Variants in PLPPR1 observed in about 807,000 individuals in gnomAD.
PLPPR1 encodes phospholipid phosphatase related 1.
In PLPPR1, 10 loss-of-function variants were observed where a neutral mutation model predicts 33.1. The observed-to-expected ratio is 0.30, with a 90% CI of 0.19 to 0.51. The LOEUF (loss-of-function observed/expected upper bound fraction) is 0.51, where lower values mean the gene tolerates loss of function less well. PLPPR1 is among the 20% of genes least tolerant of loss of function. PLPPR1 has a pLI of 0.97. For missense variants in PLPPR1, 304 were observed against 408.1 expected, an observed-to-expected ratio of 0.74 and a Z score of 2.20; for synonymous variants, 151 against 151.0, an observed-to-expected ratio of 1.00 and a Z score of 0.00.
chr9:101,264,872 C>T (rs907764050), intron 2 of PLPPR1, among the ~76,000 whole-genome samples: 3 of 152,178 alleles, frequency 2.0e-5, no homozygotes, highest in Non-Finnish European at 4.4e-5. Context: ...GATCACCTAG[C>T]ACTAGGATGC....
chr9:101,292,028 A>G (rs570151865), intron 4 of PLPPR1, among the ~76,000 whole-genome samples: 5 of 152,320 alleles, frequency 3.3e-5, no homozygotes, highest in Admixed American at 2.0e-4. Context: ...AAGGCAAAGA[A>G]GTTGAAAACT....
intron 1 of PLPPR1, among the ~76,000 whole-genome samples, chr9:101,167,411 A>C (rs1161457559): frequency 6.6e-6 from 1 of 151,102 alleles, no homozygotes. Flanking sequence ...TGTCTAATAT[A>C]CTGGAACCAC....
At chr9:101,293,033 T>C (rs1389374044) in intron 4 of PLPPR1, among the ~76,000 whole-genome samples, 1 of 152,112 alleles carries the variant, frequency 6.6e-6, no homozygotes, top group Admixed American at 6.5e-5. Flanking sequence ...TCAAGACCCA[T>C]CAGTGTGCTG....
chr9:101,285,571 A>G (rs1337611525), intron 3 of PLPPR1, among the ~76,000 whole-genome samples: 25 of 152,244 alleles, frequency 1.6e-4, no homozygotes, highest in Admixed American at 1.6e-3. Flanking sequence ...AAGCAAAACA[A>G]CATGCTATAT....
intron 1 of PLPPR1, among the ~76,000 whole-genome samples, chr9:101,178,780 A>G (rs1427166989): frequency 6.6e-6 from 1 of 152,134 alleles, no homozygotes; most frequent in Non-Finnish European, 1.5e-5. Flanking sequence ...AATATACAGT[A>G]CTGTTTCTCC....
At chr9:101,155,126 T>C (rs184107677) in intron 1 of PLPPR1, among the ~76,000 whole-genome samples, 3 of 148,526 alleles carry the variant, frequency 2.0e-5, no homozygotes, top group Admixed American at 1.3e-4. Flanking sequence ...AAAAAGAAAA[T>C]GAGATTGTCT....
chr9:101,278,463 T>C (rs1041691565), intron 3 of PLPPR1, among the ~76,000 whole-genome samples: 1 of 152,146 alleles, frequency 6.6e-6, no homozygotes, highest in Non-Finnish European at 1.5e-5. Flanking sequence ...AGTAACTGGT[T>C]GGAACACAAT....
At chr9:101,140,421 G>A (rs373096175) in intron 1 of PLPPR1, among the ~76,000 whole-genome samples, 11 of 152,036 alleles carry the variant, frequency 7.2e-5, no homozygotes, top group East Asian at 1.9e-4. Context: ...CCTTGAAATC[G>A]TTAGGGTGGA....
chr9:101,223,659 A>C (rs534950908), intron 2 of PLPPR1, among the ~76,000 whole-genome samples: 1 of 152,158 alleles, frequency 6.6e-6, no homozygotes, highest in South Asian at 2.1e-4. Context: ...TTTTATAAGC[A>C]TCTGGCATTT....
intron 5 of PLPPR1, among the ~76,000 whole-genome samples, chr9:101,312,501 G>T (rs1828977060): frequency 6.6e-6 from 1 of 152,154 alleles, no homozygotes; most frequent in African/African-American, 2.4e-5. Flanking sequence ...AAAACTGCAT[G>T]TTCTGAATCT....
At chr9:101,106,179 G>C (rs1164280400) in intron 1 of PLPPR1, among the ~76,000 whole-genome samples, 1 of 149,802 alleles carries the variant, frequency 6.7e-6, no homozygotes, top group Non-Finnish European at 1.5e-5. Context: ...GTGTGAATTT[G>C]ATCCTGTCAT....
chr9:101,184,719 G>T (rs1163053674), intron 1 of PLPPR1, among the ~76,000 whole-genome samples: 3 of 147,156 alleles, frequency 2.0e-5, no homozygotes, highest in African/African-American at 7.6e-5. Context: ...TATATTTTCA[G>T]TTCAAGGCAG....
chr9:101,218,983 A>G (rs1457105547), intron 2 of PLPPR1, among the ~76,000 whole-genome samples: 1 of 152,230 alleles, frequency 6.6e-6, no homozygotes, highest in East Asian at 1.9e-4. Context: ...ATGCACACTC[A>G]CACACATCTA....
intron 3 of PLPPR1, among the ~76,000 whole-genome samples, chr9:101,273,958 C>T (rs551729179): frequency 6.6e-6 from 1 of 152,302 alleles, no homozygotes; most frequent in South Asian, 2.1e-4. Context: ...GATAGGTCTT[C>T]TTTATTTTAA....
rs780119110 is a variant in PLPPR1, at chr9:101,129,953, C to T, written c.-45-55497C>T. On this transcript the variant is annotated intron_variant, in intron 1 of 7. Coordinates refer to ENST00000374874, the MANE Select transcript of PLPPR1 (RefSeq NM_207299.2). ...ATATATATTAATAGTATTCCATTTACGTAAAATTCTAGGAAGTGCAAACTA... is the reference window on the plus strand; with the variant it reads ...ATATATATTAATAGTATTCCATTTATGTAAAATTCTAGGAAGTGCAAACTA... Among the ~76,000 whole-genome samples, 18 of 152,034 alleles carry T rather than the reference C, an allele frequency of 1.2e-4. No individual in the cohort carries two copies. The South Asian group carries it at 1.5e-3, about 12-fold the overall frequency.
intron 2 of PLPPR1, among the ~76,000 whole-genome samples, chr9:101,215,617 C>T (rs1430186659): frequency 1.3e-5 from 2 of 152,138 alleles, no homozygotes; most frequent in African/African-American, 2.4e-5. Context: ...TTTAATCATC[C>T]TCACTTTATC....
intron 2 of PLPPR1, among the ~76,000 whole-genome samples, chr9:101,220,032 C>T (rs1222858909): frequency 6.6e-6 from 1 of 152,148 alleles, no homozygotes; most frequent in Non-Finnish European, 1.5e-5. Flanking sequence ...TAGATGTGTT[C>T]TCTAGATCTG....
chr9:101,082,916 A>G (rs921907798), intron 1 of PLPPR1, among the ~76,000 whole-genome samples: 5 of 152,296 alleles, frequency 3.3e-5, no homozygotes, highest in African/African-American at 1.2e-4. Flanking sequence ...AGCATGTGCC[A>G]GTGAGGGACA....
At chr9:101,291,889 C>T (rs1828516560) in intron 4 of PLPPR1, among the ~76,000 whole-genome samples, 1 of 152,178 alleles carries the variant, frequency 6.6e-6, no homozygotes, top group Admixed American at 6.5e-5. Context: ...AGCACCTCTC[C>T]TCCTCCAAAG....
Sources: gnomAD v4.1 joint callset for allele counts (sites outside exome capture counted in the v4.1 genomes callset) on GRCh38, gnomAD v4.1.1 for gene constraint, MANE v1.5 for transcripts, NCBI Gene and HGNC (gene_info 2026-07-23, HGNC 2026-07-21) for gene names.